RBMS3: variants seen among roughly 807,000 people sequenced by gnomAD.
RBMS3 encodes RNA binding motif single stranded interacting protein 3, also known as RNA-binding motif, single-stranded-interacting protein 3.
In RBMS3, 27 loss-of-function variants were observed where a neutral mutation model predicts 66.8. The ratio of observed to expected loss-of-function variants is 0.40; its 90% CI spans 0.30 to 0.56. The LOEUF is 0.56. Among genes scored for constraint, RBMS3 ranks in the 20% least tolerant of loss-of-function variants. The pLI, the probability that RBMS3 is intolerant of heterozygous loss-of-function variation, is 0.40. For missense variants in RBMS3, 513 were observed against 549.5 expected (o/e 0.93, Z 0.66); for synonymous variants, 188 against 183.0 (o/e 1.03, Z -0.22).
At chr3:29,783,035 T>C (rs182275421) in intron 6 of RBMS3, among the ~76,000 whole-genome samples, 15 of 152,242 alleles carry the variant, frequency 9.9e-5, no homozygotes, top group Admixed American at 9.2e-4. Flanking sequence ...TTTGGGACTA[T>C]GTTAAATGAG....
intron 4 of RBMS3, among the ~76,000 whole-genome samples, chr3:29,706,571 A>G (rs1467291685): frequency 6.6e-6 from 1 of 152,174 alleles, no homozygotes; most frequent in Non-Finnish European, 1.5e-5. Context: ...GGCAGAACTC[A>G]TAGTATGAAA....
chr3:29,738,343 T>C (rs1415136351), intron 4 of RBMS3, among the ~76,000 whole-genome samples: 2 of 152,220 alleles, frequency 1.3e-5, no homozygotes, highest in African/African-American at 4.8e-5. Context: ...CTAAGGTTTT[T>C]GTTTAGTTAA....
At chr3:29,537,854 A>G (rs2149005659) in intron 3 of RBMS3, among the ~76,000 whole-genome samples, 1 of 151,970 alleles carries the variant, frequency 6.6e-6, no homozygotes, top group East Asian at 1.9e-4. Context: ...GAAAGAAAAA[A>G]AATTTGCCCC....
At chr3:29,616,934 A>G (rs2048694265) in intron 4 of RBMS3, 1 of 152,224 alleles carries the variant, frequency 6.6e-6, no homozygotes, top group Non-Finnish European at 1.5e-5. Context: ...TACAGGTGGA[A>G]AAGTCCCAGG....
intron 10 of RBMS3, among the ~76,000 whole-genome samples, chr3:29,926,336 A>T (rs1577166232): frequency 6.6e-6 from 1 of 152,210 alleles, no homozygotes; most frequent in Non-Finnish European, 1.5e-5. Flanking sequence ...ATCTTAAAGG[A>T]GAAAAATATT....
chr3:29,400,200 G>A (rs2039745267), intron 1 of RBMS3, among the ~76,000 whole-genome samples: 1 of 152,080 alleles, frequency 6.6e-6, no homozygotes, highest in Non-Finnish European at 1.5e-5. Flanking sequence ...TTAAATTCAA[G>A]GCATATTTAT....
chr3:29,325,564 G>GTA (rs1317580360), intron 1 of RBMS3, among the ~76,000 whole-genome samples: 5 of 150,034 alleles, frequency 3.3e-5, no homozygotes, highest in Non-Finnish European at 7.4e-5. Flanking sequence ...ATGTGTGTAT[G>GTA]TATATATATA....
At chr3:29,846,445 T>C (rs1179756470) in intron 6 of RBMS3, among the ~76,000 whole-genome samples, 2 of 152,176 alleles carry the variant, frequency 1.3e-5, no homozygotes, top group Non-Finnish European at 2.9e-5. Context: ...CTTTATGGGA[T>C]ATCAAGAGAC....
intron 4 of RBMS3, 80 bp from the exon 5 acceptor site, chr3:29,739,640 G>A: frequency 7.5e-7 from 1 of 1,328,436 alleles, no homozygotes. Flanking sequence ...CTAGATTGCA[G>A]TTTAAACAAA....
intron 2 of RBMS3, among the ~76,000 whole-genome samples, chr3:29,471,626 T>C (rs1335600837): frequency 6.6e-6 from 1 of 151,752 alleles, no homozygotes; most frequent in East Asian, 1.9e-4. Flanking sequence ...GGCTTATTTA[T>C]AAGAAATAAA....
intron 5 of RBMS3, among the ~76,000 whole-genome samples, chr3:29,746,329 T>C (rs2054890056): frequency 1.3e-5 from 2 of 152,164 alleles, no homozygotes; most frequent in African/African-American, 4.8e-5. Flanking sequence ...TTTAAACACA[T>C]GAAACCAGGA....
intron 4 of RBMS3, among the ~76,000 whole-genome samples, chr3:29,708,516 G>T (rs1388386217): frequency 6.6e-6 from 1 of 152,124 alleles, no homozygotes; most frequent in Non-Finnish European, 1.5e-5. Flanking sequence ...GAAACAAATT[G>T]TTTTCTTTGC....
At chr3:29,905,325 A>T (rs2060350565) in intron 10 of RBMS3, among the ~76,000 whole-genome samples, 1 of 152,054 alleles carries the variant, frequency 6.6e-6, no homozygotes, top group African/African-American at 2.4e-5. Context: ...TAGATTTAAA[A>T]TGCCATATGT....
chr3:29,755,250 A>T (rs1343165958), intron 5 of RBMS3, among the ~76,000 whole-genome samples: 1 of 152,208 alleles, frequency 6.6e-6, no homozygotes, highest in African/African-American at 2.4e-5. Context: ...TTATGCATCT[A>T]TGTGAGTACA....
intron 11 of RBMS3, 92 bp from the exon 12 acceptor site, chr3:29,944,115 A>G: frequency 8.6e-7 from 1 of 1,164,436 alleles, no homozygotes; most frequent in Non-Finnish European, 1.3e-6. Flanking sequence ...ACCATATGAC[A>G]CACAGCGGAC....
chr3:29,796,356 C>A (rs2057187379), intron 6 of RBMS3, among the ~76,000 whole-genome samples: 1 of 152,086 alleles, frequency 6.6e-6, no homozygotes, highest in Non-Finnish European at 1.5e-5. Context: ...TAATGTCATC[C>A]AGGAGTGTTT....
intron 6 of RBMS3, among the ~76,000 whole-genome samples, chr3:29,776,202 A>G (rs146446630): frequency 7.2e-5 from 11 of 152,130 alleles, no homozygotes; most frequent in African/African-American, 2.2e-4. Context: ...TGAGATCCTC[A>G]CGGCCAGGAT....
chr3:29,845,513 G>T (rs1470235074), intron 6 of RBMS3, among the ~76,000 whole-genome samples: 1 of 152,082 alleles, frequency 6.6e-6, no homozygotes, highest in South Asian at 2.1e-4. Context: ...ACAGTGTTGA[G>T]ATTTCCTCAT....
chr3:29,571,247 C>A (rs930432936), intron 3 of RBMS3, among the ~76,000 whole-genome samples: 2 of 152,048 alleles, frequency 1.3e-5, no homozygotes, highest in African/African-American at 2.4e-5. Context: ...GGGTAGTTTG[C>A]AAATATTTTC....
Sources: allele counts gnomAD v4.1 joint callset (sites outside exome capture counted in the v4.1 genomes callset), GRCh38; gene constraint gnomAD v4.1.1; transcripts MANE v1.5; gene names NCBI Gene and HGNC (gene_info 2026-07-23, HGNC 2026-07-21).